MCTP1: variants seen among roughly 807,000 people sequenced by gnomAD.
MCTP1 encodes multiple C2 and transmembrane domain-containing protein 1.
In MCTP1, 69 loss-of-function variants were observed where a neutral mutation model predicts 120.6. That is an observed-to-expected ratio of 0.57 (90% CI 0.47 to 0.70). The LOEUF (loss-of-function observed/expected upper bound fraction) is 0.70. Among genes scored for constraint, MCTP1 ranks in the 30% least tolerant of loss-of-function variants. The pLI is 0.00. For missense variants in MCTP1, 1,203 were observed against 1,248.8 expected, an observed-to-expected ratio of 0.96 and a Z score of 0.55; for synonymous variants, 529 against 493.1, an observed-to-expected ratio of 1.07 and a Z score of -0.96.
At chr5:95,104,982 ATTAT>A (rs1299040917) in intron 1 of MCTP1, among the ~76,000 whole-genome samples, 1 of 152,200 alleles carries the variant, frequency 6.6e-6, no homozygotes, top group Non-Finnish European at 1.5e-5. Context: ...TCTGTAAAAA[ATTAT>A]TTATTTCTAC....
At chr5:94,724,291 G>T (rs79509591) in intron 19 of MCTP1, among the ~76,000 whole-genome samples, 5 of 152,068 alleles carry the variant, frequency 3.3e-5, no homozygotes, top group Non-Finnish European at 7.4e-5. Context: ...TGTTGCCCAG[G>T]CTGGAGTGCA....
intron 2 of MCTP1, among the ~76,000 whole-genome samples, chr5:94,984,043 C>T (rs1037403065): frequency 2.0e-5 from 3 of 152,198 alleles, no homozygotes; most frequent in Admixed American, 6.5e-5. Flanking sequence ...TTCATCAGCA[C>T]TCCCCCAGAT....
chr5:94,720,790 G>A (rs921409553), intron 19 of MCTP1, among the ~76,000 whole-genome samples: 2 of 152,140 alleles, frequency 1.3e-5, no homozygotes, highest in African/African-American at 4.8e-5. Flanking sequence ...TACTTGGCTT[G>A]TCTATTTTTA....
chr5:95,203,335 G>C (rs1751280644), intron 1 of MCTP1, among the ~76,000 whole-genome samples: 1 of 152,144 alleles, frequency 6.6e-6, no homozygotes, highest in Non-Finnish European at 1.5e-5. Flanking sequence ...CAAAAGACAA[G>C]TCTATCCAGA....
chr5:95,089,024 C>T (rs568395643), intron 1 of MCTP1, among the ~76,000 whole-genome samples: 167 of 152,216 alleles, frequency 1.1e-3, no homozygotes, highest in Non-Finnish European at 1.9e-3. Context: ...GGATGGCAAC[C>T]CAAGGAAAAG....
At chr5:95,062,877 G>A (rs939116250) in intron 1 of MCTP1, among the ~76,000 whole-genome samples, 3 of 151,994 alleles carry the variant, frequency 2.0e-5, no homozygotes, top group Non-Finnish European at 2.9e-5. Context: ...GACTGCAGTG[G>A]CATGATCATA....
chr5:94,755,662 CCCT>C (rs1405559361), intron 19 of MCTP1, among the ~76,000 whole-genome samples: 1 of 152,078 alleles, frequency 6.6e-6, no homozygotes, highest in Non-Finnish European at 1.5e-5. Context: ...CTTCGGATTC[CCCT>C]CCTATCACTC....
At chr5:94,806,147 A>G (rs1360812774) in intron 17 of MCTP1, among the ~76,000 whole-genome samples, 1 of 151,982 alleles carries the variant, frequency 6.6e-6, no homozygotes, top group African/African-American at 2.4e-5. Flanking sequence ...ACGACTCTGA[A>G]TAATCAAAAC....
chr5:94,864,459 G>T (rs1027301988), intron 17 of MCTP1, among the ~76,000 whole-genome samples: 1 of 151,748 alleles, frequency 6.6e-6, no homozygotes, highest in Non-Finnish European at 1.5e-5. Context: ...ACCTTTTTGT[G>T]CACTCTGACA....
At chr5:94,759,461 G>A (rs774380671) in intron 19 of MCTP1, among the ~76,000 whole-genome samples, 6 of 152,170 alleles carry the variant, frequency 3.9e-5, no homozygotes, top group Non-Finnish European at 7.4e-5. Context: ...TTAATTTCAA[G>A]TGACAGCTAA....
chr5:94,788,921 G>A (rs760285088), intron 18 of MCTP1: 3 of 152,196 alleles, frequency 2.0e-5, no homozygotes, highest in Non-Finnish European at 4.4e-5. Flanking sequence ...TGGACGCTTT[G>A]GAGAACCATC....
At chr5:94,940,428 G>A (rs1817308357) in intron 4 of MCTP1, among the ~76,000 whole-genome samples, 2 of 150,710 alleles carry the variant, frequency 1.3e-5, no homozygotes, top group South Asian at 4.2e-4. Context: ...GTTCCAGAAA[G>A]TGGTTGAAAA....
intron 1 of MCTP1, among the ~76,000 whole-genome samples, chr5:95,164,940 A>G (rs1478391375): frequency 6.6e-6 from 1 of 152,156 alleles, no homozygotes; most frequent in African/African-American, 2.4e-5. Context: ...GTATCATCCC[A>G]TAGGCTTTGG....
intron 16 of MCTP1, among the ~76,000 whole-genome samples, chr5:94,869,856 C>G (rs994632227): frequency 1.3e-5 from 2 of 152,024 alleles, no homozygotes; most frequent in African/African-American, 4.8e-5. Context: ...AATCATATTT[C>G]CTGATTCTAA....
chr5:94,899,679 C>G (rs1804994267), intron 10 of MCTP1, among the ~76,000 whole-genome samples: 1 of 152,142 alleles, frequency 6.6e-6, no homozygotes, highest in African/African-American at 2.4e-5. Flanking sequence ...TGTCCCACAC[C>G]TCTTCCCTTT....
intron 19 of MCTP1, among the ~76,000 whole-genome samples, chr5:94,770,028 A>T (rs1176243964): frequency 6.6e-6 from 1 of 152,218 alleles, no homozygotes; most frequent in Non-Finnish European, 1.5e-5. Flanking sequence ...CTACTTTGTG[A>T]ATTTCTTTTA....
chr5:95,248,417 C>T (rs1298581950), intron 1 of MCTP1, among the ~76,000 whole-genome samples: 2 of 152,140 alleles, frequency 1.3e-5, no homozygotes, highest in Non-Finnish European at 1.5e-5. Context: ...CTCCTATTCA[C>T]AATTACTACA....
chr5:95,068,139 T>C (rs1050674940), intron 1 of MCTP1, among the ~76,000 whole-genome samples: 9 of 152,310 alleles, frequency 5.9e-5, no homozygotes, highest in African/African-American at 2.2e-4. Flanking sequence ...TTAAATCAAG[T>C]TAAAATTAAT....
At chr5:94,938,497 T>C (rs1293537058) in intron 5 of MCTP1, among the ~76,000 whole-genome samples, 2 of 152,086 alleles carry the variant, frequency 1.3e-5, no homozygotes, top group African/African-American at 2.4e-5. Flanking sequence ...AGGCCTATTT[T>C]ACACTTCATA....
Sources: gnomAD v4.1 joint callset for allele counts (sites outside exome capture counted in the v4.1 genomes callset) on GRCh38, gnomAD v4.1.1 for gene constraint, MANE v1.5 for transcripts, NCBI Gene and HGNC (gene_info 2026-07-23, HGNC 2026-07-21) for gene names.